The following CACNA1C variants were observed in gnomAD, a reference collection of about 807,000 sequenced individuals.
CACNA1C encodes the protein calcium voltage-gated channel subunit alpha1 C.
CACNA1C carries 30 observed loss-of-function variants against 229.0 expected under a neutral mutation model. The observed-to-expected ratio is 0.13, with a 90% confidence interval of 0.10 to 0.18. CACNA1C has a LOEUF of 0.18. Among genes scored for constraint, CACNA1C ranks in the 10% least tolerant of loss-of-function variants. The pLI, the probability that CACNA1C is intolerant of heterozygous loss-of-function variation, is 1.00. For synonymous variants in CACNA1C, 1,114 were observed against 1,132.5 expected, an observed-to-expected ratio of 0.98 and a Z score of 0.33; for missense variants, 1,658 against 2,845.0, an observed-to-expected ratio of 0.58 and a Z score of 9.49.
intron 1 of CACNA1C, among the ~76,000 whole-genome samples, chr12:2,058,803 A>G (rs1387964305): frequency 1.3e-5 from 2 of 152,226 alleles, no homozygotes; most frequent in African/African-American, 4.8e-5. Context: ...CCCACTGCAG[A>G]AAAAGCAAAA....
At chr12:2,564,813 G>T (rs1320756183) in intron 11 of CACNA1C, among the ~76,000 whole-genome samples, 3 of 152,054 alleles carry the variant, frequency 2.0e-5, no homozygotes, top group Non-Finnish European at 4.4e-5. Context: ...CTCTAACCTG[G>T]AGAACAGGAA....
At position 2,677,155 on chromosome 12, in the gene CACNA1C, G is replaced by A. The variant is rs781335488; in HGVS notation, c.4890G>A (p.Lys1630=). The A allele has an allele frequency of 3.1e-6, 5 of 1,613,742 alleles. No homozygotes were observed. The African/African-American group carries it at 6.7e-5, about 22-fold the overall frequency. ...TCCTGATCCAGGAGTACTTCCGGAA[G>A]TTCAAGAAGCGCAAAGAGCAGGGCC... ...ATFLIQEYFR[K]FKKRKEQGLV... Residue 1630 remains lysine (K), a synonymous_variant, in exon 40 of 47, where the codon AAG becomes AAA. Transcript: ENST00000399655. The surrounding 1 kb of genome is among the most constrained non-coding windows in gnomAD (Gnocchi z 7.4).
Position 2,287,885 on chromosome 12 carries a change from T to C in CACNA1C, c.478-161091T>C, listed in dbSNP as rs1392397453. 1 of 152,166 alleles carries C rather than the reference T, an allele frequency of 6.6e-6. No homozygotes were observed. Among genetic ancestry groups the C allele is most frequent in the Non-Finnish European group, 1.5e-5 (1 of 68,032 alleles). The allele number at this position is 152,166 out of a possible 1,614,324, so 9.4% of individuals were successfully genotyped here. ...GATTATGAACAGGAATCAGAATTTC[T>C]GAAGATGTGGCCTGGGCATCTGAAT... On this transcript the variant is annotated intron_variant, in intron 3 of 46. Coordinates refer to ENST00000399655, the MANE Select transcript of CACNA1C (RefSeq NM_000719.7). This position sits in a 1 kb window ranked among gnomAD's most constrained non-coding sequence, Gnocchi z 4.6.
At chr12:2,579,470 C>G (rs558882001) in intron 13 of CACNA1C, among the ~76,000 whole-genome samples, 1 of 152,090 alleles carries the variant, frequency 6.6e-6, no homozygotes, top group Admixed American at 6.5e-5. Flanking sequence ...GCCCCAGAGT[C>G]AGCCCCAGAG....
intron 3 of CACNA1C, among the ~76,000 whole-genome samples, chr12:2,237,108 A>G (rs913940997): frequency 1.3e-5 from 2 of 152,220 alleles, no homozygotes; most frequent in African/African-American, 4.8e-5. Flanking sequence ...TGCCAAGTCC[A>G]GTAGTGGATG....
At chr12:2,387,395 G>A (rs2098410661) in intron 3 of CACNA1C, among the ~76,000 whole-genome samples, 2 of 152,156 alleles carry the variant, frequency 1.3e-5, no homozygotes, top group Non-Finnish European at 2.9e-5. Flanking sequence ...TGACACAGGA[G>A]AATCGCTTGA....
intron 1 of CACNA1C, among the ~76,000 whole-genome samples, chr12:2,070,502 T>C (rs1298239244): frequency 6.6e-6 from 1 of 152,256 alleles, no homozygotes; most frequent in African/African-American, 2.4e-5. Flanking sequence ...TGAAATTTTC[T>C]TTTATTCCTT....
intron 1 of CACNA1C, among the ~76,000 whole-genome samples, chr12:1,988,183 C>T (rs2038344848): frequency 1.3e-5 from 2 of 152,178 alleles, no homozygotes; most frequent in Admixed American, 1.3e-4. Context: ...CTTACAATGA[C>T]ACAGGTTTAT....
At chr12:2,057,345 G>A (rs1850879903) in intron 1 of CACNA1C, among the ~76,000 whole-genome samples, 1 of 152,208 alleles carries the variant, frequency 6.6e-6, no homozygotes, top group Non-Finnish European at 1.5e-5. Flanking sequence ...GAATGAATGC[G>A]ACCTGGCCAG....
chr12:2,691,357 G>C lies in CACNA1C; in HGVS notation c.*158G>C, dbSNP rs1007646602. ...GACGCGGAGCCTGGGTGCGCGAGCCGCCCTCCGGGAGGAAGGCGCCCGGCT... is the reference window on the plus strand; with the variant it reads ...GACGCGGAGCCTGGGTGCGCGAGCCCCCCTCCGGGAGGAAGGCGCCCGGCT... On this transcript the variant is annotated 3_prime_UTR_variant, in exon 47 of 47. Coordinates refer to ENST00000399655, the MANE Select transcript of CACNA1C (RefSeq NM_000719.7). The C allele has an allele frequency of 2.5e-6, 2 of 806,154 alleles. No homozygotes were observed. Among genetic ancestry groups the C allele is most frequent in the Non-Finnish European group, 3.4e-6 (2 of 587,414 alleles). The allele number at this position is 806,154 out of a possible 1,614,324, so 49.9% of individuals were successfully genotyped here. A position where few individuals can be genotyped will look rare whatever the true frequency, so the allele number is the denominator to read the frequency against.
At chr12:2,508,588 G>A (rs1297733368) in intron 8 of CACNA1C, among the ~76,000 whole-genome samples, 32 of 152,218 alleles carry the variant, frequency 2.1e-4, no homozygotes, top group Admixed American at 2.1e-3. Flanking sequence ...AGGAGTTTGA[G>A]GCTGCAGTGA....
intron 1 of CACNA1C, among the ~76,000 whole-genome samples, chr12:1,999,765 G>C (rs2041761068): frequency 6.6e-6 from 1 of 152,098 alleles, no homozygotes; most frequent in South Asian, 2.1e-4. Flanking sequence ...AACAACTTTA[G>C]CCAGTTTTTT....
chr12:2,353,002 G>T (rs1313178964), intron 3 of CACNA1C, among the ~76,000 whole-genome samples: 2 of 152,210 alleles, frequency 1.3e-5, no homozygotes, highest in African/African-American at 4.8e-5. Flanking sequence ...AGAAAAGGGG[G>T]GATTGTTATT....
intron 3 of CACNA1C, among the ~76,000 whole-genome samples, chr12:2,128,503 C>G (rs140623252): frequency 2.6e-5 from 4 of 152,114 alleles, no homozygotes; most frequent in Non-Finnish European, 5.9e-5. Context: ...CTCCACCTCC[C>G]GGGTTCACGC....
intron 1 of CACNA1C, among the ~76,000 whole-genome samples, chr12:1,987,159 A>C (rs1484557702): frequency 6.6e-6 from 1 of 152,260 alleles, no homozygotes; most frequent in Admixed American, 6.5e-5. Context: ...ACAAATGGGC[A>C]TTAGAAGTAC....
In CACNA1C at chr12:1,981,047, T is replaced by G. The variant is rs202136794; in HGVS notation, c.139+9846T>G. ...TTGTTCACATAGATAAAACTAACAT[T>G]TTCCCACATTACATATCTCTTCCTT... On this transcript the variant is annotated intron_variant, in intron 1 of 46. Transcript: ENST00000682462. Among the ~76,000 whole-genome samples, 8 of 152,292 alleles carry G rather than the reference T, an allele frequency of 5.3e-5. No individual in the cohort carries two copies. The East Asian group carries it at 1.5e-3, about 29-fold the overall frequency.
At chr12:2,650,448 C>T (rs535422936) in intron 31 of CACNA1C, among the ~76,000 whole-genome samples, 1 of 152,254 alleles carries the variant, frequency 6.6e-6, no homozygotes, top group African/African-American at 2.4e-5. Context: ...TGAGCCCTCC[C>T]ACCTCGCGGG....
rs2096062670 is a variant in CACNA1C, at chr12:2,665,852, A to C, written c.4526+144A>C. The C allele has an allele frequency of 3.7e-6, 3 of 809,806 alleles. No homozygotes were observed. The highest frequency in any genetic ancestry group is 5.5e-6 in the Non-Finnish European group (3 of 542,754). The allele number at this position is 809,806 out of a possible 1,614,324, so 50.2% of individuals were successfully genotyped here. A position where few individuals can be genotyped will look rare whatever the true frequency, so the allele number is the denominator to read the frequency against. On this transcript the variant is annotated intron_variant, in intron 36 of 46. Transcript: ENST00000399655. The surrounding 1 kb of genome is among the most constrained non-coding windows in gnomAD (Gnocchi z 5.9). ...GTATCACACCCTAGGGTGAAAGGTC[A>C]AGGGCCAGCAGGAGGAGGCCCGGCA...
chr12:2,453,042 T>C (rs111442733), intron 4 of CACNA1C, among the ~76,000 whole-genome samples: 20 of 152,154 alleles, frequency 1.3e-4, no homozygotes, highest in African/African-American at 4.8e-4. Context: ...TGAGAGACAC[T>C]GCAGATACGG....
Sources: gnomAD v4.1 joint callset for allele counts (sites outside exome capture counted in the v4.1 genomes callset) on GRCh38, gnomAD v4.1.1 for gene constraint, Gnocchi (gnomAD v3.1) non-coding constraint, MANE v1.5 for transcripts, NCBI Gene and HGNC (gene_info 2026-07-23, HGNC 2026-07-21) for gene names.